STAG1: variants seen among roughly 807,000 people sequenced by gnomAD.
The protein encoded by STAG1 is STAG1 cohesin complex component, also known as cohesin subunit SA-1.
A neutral mutation model predicts 170.9 loss-of-function variants in STAG1; 26 were observed. The observed-to-expected ratio is 0.15, with a 90% confidence interval of 0.11 to 0.21. The LOEUF (loss-of-function observed/expected upper bound fraction) is 0.21, where lower values mean the gene tolerates loss of function less well. Among genes scored for constraint, STAG1 ranks in the 10% least tolerant of loss-of-function variants. STAG1 has a pLI of 1.00. For synonymous variants in STAG1, 514 were observed against 497.7 expected, an observed-to-expected ratio of 1.03 and a Z score of -0.44; for missense variants, 964 against 1,509.5, an observed-to-expected ratio of 0.64 and a Z score of 5.99.
chr3:136,576,469 C>A (rs1937457918), intron 4 of STAG1, among the ~76,000 whole-genome samples: 1 of 152,034 alleles, frequency 6.6e-6, no homozygotes, highest in South Asian at 2.1e-4. Context: ...TCATAGATTA[C>A]ATTCATATGA....
Position 136,377,744 on chromosome 3 carries a change from C to T in STAG1, c.2286G>A (p.Leu762=). ...ITDGSPSKED[L]LVLRKTVKSF... ...ATTTCACCGTTTTCCTCAATACCAA[C>T]AAATCCTCCTGTAAGACACATTCAA... Residue 762 remains leucine, a synonymous_variant, in exon 23 of 34, where the codon TTG becomes TTA. Coordinates refer to ENST00000383202, the MANE Select transcript of STAG1 (RefSeq NM_005862.3). 2 of 1,613,882 alleles carry T rather than the reference C, an allele frequency of 1.2e-6. No homozygotes were observed. Among genetic ancestry groups the T allele is most frequent in the Non-Finnish European group, 1.7e-6 (2 of 1,179,834 alleles).
At chr3:136,705,728 C>G (rs2107913390) in intron 1 of STAG1, among the ~76,000 whole-genome samples, 1 of 152,276 alleles carries the variant, frequency 6.6e-6, no homozygotes, top group African/African-American at 2.4e-5. Context: ...GATTCTAAAG[C>G]ATCCCCAGCC....
chr3:136,707,677 C>G (rs2107915236), intron 1 of STAG1, among the ~76,000 whole-genome samples: 1 of 152,298 alleles, frequency 6.6e-6, no homozygotes, highest in South Asian at 2.1e-4. Flanking sequence ...CAGAAAAGGT[C>G]AATGGGGAAG....
intron 1 of STAG1, among the ~76,000 whole-genome samples, chr3:136,693,053 C>G (rs897344341): frequency 2.6e-5 from 4 of 152,166 alleles, no homozygotes; most frequent in African/African-American, 9.7e-5. Flanking sequence ...TCCAGTTTAT[C>G]AAACTCTAAA....
chr3:136,595,682 A>G (rs975494853), intron 4 of STAG1, among the ~76,000 whole-genome samples: 3 of 23,716 alleles, frequency 1.3e-4, no homozygotes, highest in East Asian at 4.7e-3. Flanking sequence ...ATCTCAATAA[A>G]TAAATAAATA....
chr3:136,742,634 G>C (rs1454658158), intron 1 of STAG1, among the ~76,000 whole-genome samples: 3 of 151,424 alleles, frequency 2.0e-5, no homozygotes, highest in South Asian at 4.2e-4. Flanking sequence ...AGAATCACCT[G>C]AACCTGGAAG....
intron 13 of STAG1, among the ~76,000 whole-genome samples, chr3:136,460,473 G>A (rs978961660): frequency 1.3e-5 from 2 of 152,044 alleles, no homozygotes; most frequent in East Asian, 3.9e-4. Flanking sequence ...ATGGTGGCAA[G>A]AGCCTGTAAT....
rs540249790 is a variant in STAG1 at position 136,379,810 on chromosome 3, G to T, written c.2278-2058C>A. ...AGCAGCAAGAAAAAAAGCTAAAGAA[G>T]AATAAAACCATTTGCATTTACATAG... is the stretch of plus-strand genomic sequence containing the variant. On this transcript the variant is annotated intron_variant, in intron 22 of 33. Transcript: ENST00000383202. 7.2e-4 allele frequency among the ~76,000 whole-genome samples: 110 copies of T among 152,198 alleles called. 1 individual carries two copies. In the South Asian group the frequency reaches 0.022, roughly 31 times the overall value.
intron 9 of STAG1, chr3:136,499,709 C>A (rs1260155229): frequency 6.6e-6 from 1 of 152,100 alleles, no homozygotes; most frequent in African/African-American, 2.4e-5. Flanking sequence ...AAATATTTTG[C>A]TAATGGCTTT....
intron 5 of STAG1, among the ~76,000 whole-genome samples, chr3:136,564,090 C>T (rs977645958): frequency 5.9e-5 from 9 of 151,962 alleles, no homozygotes; most frequent in Non-Finnish European, 1.0e-4. Context: ...TTTACAGTAG[C>T]ACAAAACTCC....
intron 1 of STAG1, chr3:136,736,471 C>A: frequency 7.8e-7 from 1 of 1,289,454 alleles, no homozygotes; most frequent in South Asian, 1.2e-5. Flanking sequence ...GGGGAAGGTT[C>A]TGTGCCTGTG....
At chr3:136,606,083 T>C (rs1332598210) in intron 3 of STAG1, among the ~76,000 whole-genome samples, 1 of 152,082 alleles carries the variant, frequency 6.6e-6, no homozygotes, top group Non-Finnish European at 1.5e-5. Flanking sequence ...GTACAGAAAA[T>C]TCCTAAATAC....
chr3:136,572,974 G>C (rs914434551), intron 4 of STAG1, among the ~76,000 whole-genome samples: 1 of 152,110 alleles, frequency 6.6e-6, no homozygotes, highest in Non-Finnish European at 1.5e-5. Context: ...CCAGGAGTTC[G>C]AGAGCAGCCT....
chr3:136,410,791 T>C (rs768748677), intron 21 of STAG1, among the ~76,000 whole-genome samples: 3 of 152,204 alleles, frequency 2.0e-5, no homozygotes, highest in African/African-American at 4.8e-5. Context: ...CTGGTCAACA[T>C]AGTGAAATTT....
At chr3:136,723,900 C>A (rs894508137) in intron 1 of STAG1, among the ~76,000 whole-genome samples, 1 of 149,684 alleles carries the variant, frequency 6.7e-6, no homozygotes. Context: ...AGCCCCCCGC[C>A]CGGCCAGTCG....
At chr3:136,598,910 C>A (rs749080387) in intron 4 of STAG1, among the ~76,000 whole-genome samples, 26 of 152,258 alleles carry the variant, frequency 1.7e-4, no homozygotes, top group Non-Finnish European at 3.8e-4. Context: ...CTATTTACAG[C>A]TATGAAATTA....
Position 136,338,080 on chromosome 3 carries a change from T to G in STAG1, c.*174A>C. On this transcript the variant is annotated 3_prime_UTR_variant, in exon 34 of 34. Transcript: ENST00000383202. ...GAGTTGACATTCACCAACATTCCCT[T>G]GGGTAATTTACATGCTCCTCTTCTG... 1 of 575,874 alleles carries G rather than the reference T, an allele frequency of 1.7e-6. No individual in the cohort carries two copies. Among genetic ancestry groups the G allele is most frequent in the Non-Finnish European group, 3.1e-6 (1 of 321,144 alleles). The allele number at this position is 575,874 out of a possible 1,614,324, so 35.7% of individuals were successfully genotyped here.
At chr3:136,666,226 C>T (rs1941767920) in intron 1 of STAG1, among the ~76,000 whole-genome samples, 1 of 151,210 alleles carries the variant, frequency 6.6e-6, no homozygotes, top group Non-Finnish European at 1.5e-5. Context: ...ATTCTGCCAA[C>T]AATCTGAACA....
intron 15 of STAG1, among the ~76,000 whole-genome samples, chr3:136,438,367 G>T (rs1284087839): frequency 6.6e-6 from 1 of 151,560 alleles, no homozygotes; most frequent in Admixed American, 6.6e-5. Context: ...GGATGACAAG[G>T]CGCGTGCCAC....
Sources: gnomAD v4.1 joint callset for allele counts (sites outside exome capture counted in the v4.1 genomes callset) on GRCh38, gnomAD v4.1.1 for gene constraint, MANE v1.5 for transcripts, NCBI Gene and HGNC (gene_info 2026-07-23, HGNC 2026-07-21) for gene names.